ERICH5: variants seen among roughly 807,000 people sequenced by gnomAD.
ERICH5 encodes glutamate-rich protein 5.
Under a neutral mutation model 28.0 loss-of-function variants are expected in ERICH5, and 24 were observed. That is an observed-to-expected ratio of 0.86 (90% CI 0.62 to 1.21). The LOEUF (loss-of-function observed/expected upper bound fraction) is 1.21, where lower values mean the gene tolerates loss of function less well. Ranked by LOEUF, ERICH5 falls within the 50% of genes most tolerant of loss-of-function variation. The pLI is 0.00. For synonymous variants in ERICH5, 163 were observed against 157.6 expected, an observed-to-expected ratio of 1.03 and a Z score of -0.25; for missense variants, 421 against 441.2, an observed-to-expected ratio of 0.95 and a Z score of 0.41.
chr8:98,088,009 C>T (rs1362457640), intron 1 of ERICH5, among the ~76,000 whole-genome samples: 1 of 151,898 alleles, frequency 6.6e-6, no homozygotes, highest in Non-Finnish European at 1.5e-5. Flanking sequence ...ATCACTTGAG[C>T]CCAGGAGTTC....
intron 1 of ERICH5, among the ~76,000 whole-genome samples, chr8:98,087,740 A>T (rs898278481): frequency 6.6e-6 from 1 of 152,060 alleles, no homozygotes; most frequent in African/African-American, 2.4e-5. Flanking sequence ...TATATGCATT[A>T]CTTTATTTGA....
At chr8:98,083,320 T>C (rs561773511) in intron 1 of ERICH5, among the ~76,000 whole-genome samples, 4 of 152,206 alleles carry the variant, frequency 2.6e-5, no homozygotes, top group Non-Finnish European at 5.9e-5. Flanking sequence ...CAGACCATCA[T>C]TTGTGTGATA....
intron 1 of ERICH5, among the ~76,000 whole-genome samples, chr8:98,080,577 CCTTCTCCTT>C (rs1198470678): frequency 6.6e-6 from 1 of 151,890 alleles, no homozygotes; most frequent in African/African-American, 2.4e-5. Flanking sequence ...TTCTTCTTCT[CCTTCTCCTT>C]CTTCTCCTTC....
chr8:98,089,987 A>G lies in ERICH5; in HGVS notation c.970A>G (p.Ile324Val). 1.2e-6 allele frequency: 2 copies of G among 1,613,870 alleles called. No homozygotes were observed. The highest frequency in any genetic ancestry group is 2.2e-5 in the South Asian group (2 of 90,992). ...NVEAGAYVEM[I>V]RNIHTNEEDQ... is the part of the protein sequence containing the mutation. ...AGAGGCAGGAGCATATGTGGAAATGATCAGGAACATCCATACTAATGAAGA... is the reference window on the plus strand; with the variant it reads ...AGAGGCAGGAGCATATGTGGAAATGGTCAGGAACATCCATACTAATGAAGA... The change falls in exon 2 of 3, where the codon ATC becomes GTC. Residue 324 changes from isoleucine to valine, a missense_variant. Coordinates refer to ENST00000318528, the MANE Select transcript of ERICH5 (RefSeq NM_173549.3).
At chr8:98,092,734 A>T (rs1815428882) in intron 2 of ERICH5, among the ~76,000 whole-genome samples, 1 of 151,410 alleles carries the variant, frequency 6.6e-6, no homozygotes, top group Non-Finnish European at 1.5e-5. Context: ...CATTTCAGCC[A>T]TTCAGAGGCT....
intron 1 of ERICH5, among the ~76,000 whole-genome samples, chr8:98,065,352 T>C (rs1814802053): frequency 6.6e-6 from 1 of 152,212 alleles, no homozygotes. Flanking sequence ...GTCCCTGCAC[T>C]CTGAATAGGT....
At chr8:98,073,460 G>C (rs6984648) in intron 1 of ERICH5, among the ~76,000 whole-genome samples, 600 of 14,366 alleles carry the variant, frequency 0.042, 168 homozygotes, top group African/African-American at 0.081. Context: ...ATATATATAT[G>C]TATATATATA....
At chr8:98,093,198 A>G (rs1265220387) in intron 2 of ERICH5, 23 bp from the exon 3 acceptor site, 2 of 1,501,164 alleles carry the variant, frequency 1.3e-6, no homozygotes, top group South Asian at 1.1e-5. Context: ...GTCTCTTAGT[A>G]TCTCCTTTGG....
At chr8:98,075,462 C>T (rs1815031753) in intron 1 of ERICH5, among the ~76,000 whole-genome samples, 1 of 151,312 alleles carries the variant, frequency 6.6e-6, no homozygotes, top group Non-Finnish European at 1.5e-5. Flanking sequence ...AGTGGCTTTT[C>T]ATTCTGGAAA....
At chr8:98,064,966 C>T (rs1814793739) in intron 1 of ERICH5, among the ~76,000 whole-genome samples, 1 of 152,180 alleles carries the variant, frequency 6.6e-6, no homozygotes, top group African/African-American at 2.4e-5. Flanking sequence ...GCGAGACGCG[C>T]GGGGCCCGAG....
In ERICH5 at chr8:98,093,338, A is replaced by G. The variant is rs1377908868; in HGVS notation, c.*5A>G. 1 of 1,600,472 alleles carries G rather than the reference A, an allele frequency of 6.2e-7. No homozygotes were observed. Among genetic ancestry groups the G allele is most frequent in the Admixed American group, 1.7e-5 (1 of 59,808 alleles). On this transcript the variant is annotated 3_prime_UTR_variant, in exon 3 of 3. Coordinates refer to ENST00000318528, the MANE Select transcript of ERICH5 (RefSeq NM_173549.3). ...GACCTTTCAGCAGCCACATAGATAG[A>G]AGAGTGAACCGACACAGTGTGTTAT...
chr8:98,081,408 T>G (rs1815181370), intron 1 of ERICH5, among the ~76,000 whole-genome samples: 1 of 152,120 alleles, frequency 6.6e-6, no homozygotes. Flanking sequence ...ACCCAGACAC[T>G]GTGCACCTAA....
At chr8:98,076,855 C>T (rs1815063890) in intron 1 of ERICH5, among the ~76,000 whole-genome samples, 1 of 152,010 alleles carries the variant, frequency 6.6e-6, no homozygotes, top group Non-Finnish European at 1.5e-5. Context: ...ATGGTGCAGG[C>T]TCTGGGACCG....
chr8:98,076,441 C>T (rs1348093041), intron 1 of ERICH5, among the ~76,000 whole-genome samples: 4 of 150,104 alleles, frequency 2.7e-5, no homozygotes, highest in African/African-American at 9.9e-5. Context: ...GCTTAGCAAA[C>T]CCAGCTAATT....
intron 1 of ERICH5, among the ~76,000 whole-genome samples, chr8:98,086,298 CTG>C (rs1319533479): frequency 2.0e-5 from 3 of 152,304 alleles, no homozygotes; most frequent in African/African-American, 4.8e-5. Flanking sequence ...GTAGAGAAAA[CTG>C]AGAACCACCC....
chr8:98,080,192 T>A (rs970549294), intron 1 of ERICH5, among the ~76,000 whole-genome samples: 3 of 152,202 alleles, frequency 2.0e-5, no homozygotes, highest in Non-Finnish European at 4.4e-5. Flanking sequence ...GATACCATGC[T>A]GGGCAAATTA....
chr8:98,076,685 T>C (rs2513829), intron 1 of ERICH5, among the ~76,000 whole-genome samples: 51,795 of 151,932 alleles, frequency 0.34, 9,493 homozygotes, highest in East Asian at 0.62. Context: ...TTGTTCAATC[T>C]AGTTCAGTCT....
intron 1 of ERICH5, among the ~76,000 whole-genome samples, chr8:98,073,518 A>G (rs867604438): frequency 0.018 from 148 of 8,154 alleles, 27 homozygotes; most frequent in Non-Finnish European, 0.033. Context: ...ATATATATGT[A>G]TATATATATA....
chr8:98,087,036 T>TA (rs1209835841), intron 1 of ERICH5, among the ~76,000 whole-genome samples: 1 of 151,956 alleles, frequency 6.6e-6, no homozygotes, highest in African/African-American at 2.4e-5. Context: ...GCTAAGTTTT[T>TA]ATCTTCCATA....
Sources: gnomAD v4.1 joint callset for allele counts (sites outside exome capture counted in the v4.1 genomes callset) on GRCh38, gnomAD v4.1.1 for gene constraint, MANE v1.5 for transcripts, NCBI Gene and HGNC (gene_info 2026-07-23, HGNC 2026-07-21) for gene names.